The following ANAPC16 variants were observed in gnomAD, a reference collection of about 807,000 sequenced individuals.
ANAPC16 encodes anaphase promoting complex subunit 16, also known as anaphase-promoting complex subunit 16.
Under a neutral mutation model 13.1 loss-of-function variants are expected in ANAPC16, and 6 were observed. That is an observed-to-expected ratio of 0.46 (90% CI 0.25 to 0.90). The LOEUF (loss-of-function observed/expected upper bound fraction) is 0.90, where lower values mean the gene tolerates loss of function less well. Ranked by LOEUF, ANAPC16 falls within the 40% of genes least tolerant of loss-of-function variation. The probability of loss-of-function intolerance (pLI) is 0.18; values close to 1 mark genes in which losing one functional copy is unlikely to be tolerated. For synonymous variants in ANAPC16, 55 were observed against 51.3 expected (o/e 1.07, Z -0.31); for missense variants, 113 against 131.1 (o/e 0.86, Z 0.67).
chr10:72,223,670 T>G (rs948288364), intron 1 of ANAPC16: 2 of 351,718 alleles, frequency 5.7e-6, no homozygotes, highest in Non-Finnish European at 1.0e-5. Context: ...GAATTCATGT[T>G]TTAAGTAGAT....
At chr10:72,217,691 G>T (rs1859590628) in intron 1 of ANAPC16, among the ~76,000 whole-genome samples, 1 of 152,042 alleles carries the variant, frequency 6.6e-6, no homozygotes, top group South Asian at 2.1e-4. Flanking sequence ...GAATAGCCAA[G>T]ATTTATGAAG....
chr10:72,232,932 C>G (rs1860369291), intron 3 of ANAPC16, 69 bp from the exon 4 acceptor site: 1 of 1,242,410 alleles, frequency 8.0e-7, no homozygotes, highest in East Asian at 2.3e-5. Flanking sequence ...CAGTCATCAT[C>G]TTGGTGGCTG....
intron 1 of ANAPC16, among the ~76,000 whole-genome samples, chr10:72,222,629 T>C (rs1418951639): frequency 6.6e-6 from 1 of 151,684 alleles, no homozygotes; most frequent in Admixed American, 6.6e-5. Flanking sequence ...ATACAAAAAT[T>C]AGCTGGGCAT....
chr10:72,233,081 G>A lies in ANAPC16; in HGVS notation c.298G>A (p.Glu100Lys), dbSNP rs775278371. The A allele has an allele frequency of 7.4e-6, 12 of 1,614,160 alleles. No individual in the cohort carries two copies. Among genetic ancestry groups the A allele is most frequent in the East Asian group, 2.2e-5 (1 of 44,890 alleles). Residue 100 changes from glutamate (E) to lysine (K), a missense_variant, in exon 4 of 4, where the codon GAG (glutamate) becomes AAG (lysine). By Grantham distance (56) the Glu-to-Lys change is moderately conservative. Transcript: ENST00000299381. Reference sequence around the variant, plus strand: ...TGACGAGTGGCGGTTTAAGCCCATCGAGCAGCTGCTGGGATTCACCCCCTC... The same window carrying A: ...TGACGAGTGGCGGTTTAAGCCCATCAAGCAGCTGCTGGGATTCACCCCCTC... The part of the protein sequence containing the change: ...EADEWRFKPI[E>K]QLLGFTPSSG
chr10:72,223,833 T>C, intron 1 of ANAPC16, 55 bp from the exon 2 acceptor site: 1 of 1,329,230 alleles, frequency 7.5e-7, no homozygotes, highest in Non-Finnish European at 1.0e-6. Context: ...TAGAATGAAA[T>C]GTTGTCACTC....
chr10:72,230,024 C>G (rs941337268), intron 2 of ANAPC16, among the ~76,000 whole-genome samples: 11 of 152,268 alleles, frequency 7.2e-5, no homozygotes, highest in Middle Eastern at 6.8e-3. Context: ...CCAAATGTGT[C>G]AGCTGCCAGT....
intron 3 of ANAPC16, among the ~76,000 whole-genome samples, chr10:72,230,743 TAGTC>T (rs1318920008): frequency 1.3e-5 from 2 of 151,734 alleles, no homozygotes; most frequent in African/African-American, 2.4e-5. Flanking sequence ...AAGAAAAAAT[TAGTC>T]AGGCATGGTG....
chr10:72,230,030 C>T (rs567342399), intron 2 of ANAPC16, among the ~76,000 whole-genome samples: 2 of 152,224 alleles, frequency 1.3e-5, no homozygotes. Flanking sequence ...GTGTCAGCTG[C>T]CAGTGTTTGC....
At chr10:72,227,678 T>C (rs907311508) in intron 2 of ANAPC16, among the ~76,000 whole-genome samples, 3 of 152,142 alleles carry the variant, frequency 2.0e-5, no homozygotes, top group Non-Finnish European at 4.4e-5. Context: ...TAGGTGATAC[T>C]ATTCTATTAT....
chr10:72,221,633 A>G (rs1446114071), intron 1 of ANAPC16, among the ~76,000 whole-genome samples: 1 of 144,746 alleles, frequency 6.9e-6, no homozygotes, highest in Non-Finnish European at 1.5e-5. Context: ...GCTCACTGCA[A>G]CCTCCGCCTC....
chr10:72,227,893 AG>A (rs1233153470), intron 2 of ANAPC16, among the ~76,000 whole-genome samples: 10 of 147,398 alleles, frequency 6.8e-5, no homozygotes, highest in Non-Finnish European at 1.3e-4. Context: ...AAAAAAAAAA[AG>A]GCATCGTGGT....
At chr10:72,221,312 T>TCAA (rs1859922133) in intron 1 of ANAPC16, among the ~76,000 whole-genome samples, 1 of 152,146 alleles carries the variant, frequency 6.6e-6, no homozygotes, top group South Asian at 2.1e-4. Flanking sequence ...ATAAAGTTAT[T>TCAA]TTTAATCTAA....
rs770515817 is a variant in ANAPC16, at chr10:72,233,137, C to G, written c.*21C>G. 5.6e-6 allele frequency: 9 copies of G among 1,601,200 alleles called. 1 individual carries two copies. The South Asian group carries it at 9.9e-5, about 18-fold the overall frequency. ...GTTGATACTGCCTGGATGGTCACCT[C>G]TGGTGCGCAGCAAGTGCAAAGCCAG... On this transcript the variant is annotated 3_prime_UTR_variant, in exon 4 of 4. Transcript: ENST00000299381.
At position 72,229,448 on chromosome 10, in the gene ANAPC16, A is replaced by C. The variant is rs185346878; in HGVS notation, c.143-918A>C. Among the ~76,000 whole-genome samples the C allele has an allele frequency of 2.0e-5, 3 of 152,142 alleles. No individual in the cohort carries two copies. The South Asian group carries it at 6.2e-4, about 32-fold the overall frequency. On this transcript the variant is annotated intron_variant, in intron 2 of 3. Transcript: ENST00000299381. ...TAATACCTGGCCAACACAACAACCC[A>C]TGATTGATGGGTGAATGCTTGAGGC... is the stretch of plus-strand genomic sequence containing the variant.
chr10:72,227,876 C>CAAAAAAAAA (rs57330798), intron 2 of ANAPC16, among the ~76,000 whole-genome samples: 1 of 76,604 alleles, frequency 1.3e-5, no homozygotes. Flanking sequence ...ACTAAAAATA[C>CAAAAAAAAA]AAAAAAAAAA....
intron 1 of ANAPC16, 181 bp downstream of exon 1, chr10:72,216,319 G>C (rs959746579): frequency 2.5e-5 from 4 of 160,306 alleles, no homozygotes; most frequent in African/African-American, 9.6e-5. Flanking sequence ...CATGCGGGCC[G>C]AGGGCTGGCG....
At chr10:72,221,262 T>C (rs1859920270) in intron 1 of ANAPC16, among the ~76,000 whole-genome samples, 2 of 152,178 alleles carry the variant, frequency 1.3e-5, no homozygotes, top group Non-Finnish European at 1.5e-5. Flanking sequence ...TCACATAACA[T>C]AAAATTAACC....
chr10:72,221,973 C>A (rs1214577262), intron 1 of ANAPC16, among the ~76,000 whole-genome samples: 2 of 150,646 alleles, frequency 1.3e-5, no homozygotes, highest in Non-Finnish European at 3.0e-5. Context: ...CGTGATCCAC[C>A]CGCCTCGGCC....
intron 3 of ANAPC16, 58 bp from the exon 4 acceptor site, chr10:72,232,943 G>T: frequency 1.5e-6 from 2 of 1,359,140 alleles, no homozygotes. Context: ...TTGGTGGCTG[G>T]TGGCAGTCTC....
Sources: gnomAD v4.1 joint callset for allele counts (sites outside exome capture counted in the v4.1 genomes callset) on GRCh38, gnomAD v4.1.1 for gene constraint, MANE v1.5 for transcripts, NCBI Gene and HGNC (gene_info 2026-07-23, HGNC 2026-07-21) for gene names.